The following PIP5K1B variants were observed in gnomAD, a reference collection of about 807,000 sequenced individuals.
PIP5K1B encodes phosphatidylinositol 4-phosphate 5-kinase type-1 beta.
A neutral mutation model predicts 67.0 loss-of-function variants in PIP5K1B; 42 were observed. The observed-to-expected ratio is 0.63, with a 90% CI of 0.49 to 0.81. The LOEUF (loss-of-function observed/expected upper bound fraction) is 0.81, where lower values mean the gene tolerates loss of function less well. PIP5K1B is among the 30% of genes least tolerant of loss of function. PIP5K1B has a pLI of 0.00. For synonymous variants in PIP5K1B, 214 were observed against 231.4 expected, an observed-to-expected ratio of 0.92 and a Z score of 0.68; for missense variants, 459 against 646.3, an observed-to-expected ratio of 0.71 and a Z score of 3.14.
At position 68,991,266 on chromosome 9, in the gene PIP5K1B, T is replaced by C. The variant is rs765608635; in HGVS notation, c.1620+9T>C. ...TGCTTGACGTCTATTTAGTAAGTAATTTTTTAGTTTCCTCTCCTCCACTTC... is the reference window on the plus strand; with the variant it reads ...TGCTTGACGTCTATTTAGTAAGTAACTTTTTAGTTTCCTCTCCTCCACTTC... On this transcript the variant is annotated intron_variant, in intron 15 of 15. Coordinates refer to ENST00000265382, the MANE Select transcript of PIP5K1B (RefSeq NM_003558.4). 4.1e-6 allele frequency: 6 copies of C among 1,462,560 alleles called. No individual in the cohort carries two copies. In the South Asian group the frequency reaches 6.8e-5, roughly 17 times the overall value. The allele number at this position is 1,462,560 out of a possible 1,614,324, so 90.6% of individuals were successfully genotyped here.
chr9:68,901,201 A>C (rs1433779423), intron 8 of PIP5K1B, among the ~76,000 whole-genome samples: 1 of 152,214 alleles, frequency 6.6e-6, no homozygotes, highest in Non-Finnish European at 1.5e-5. Context: ...GACTTCAATC[A>C]AAACATGAAA....
intron 2 of PIP5K1B, chr9:68,780,081 C>CGTATCATTAAAAAACCT: frequency 1.4e-6 from 2 of 1,421,990 alleles, no homozygotes. Context: ...TCGGTGGCGG[C>CGTATCATTAAAAAACCT]GGCAGCGGCG....
intron 14 of PIP5K1B, among the ~76,000 whole-genome samples, chr9:68,987,555 C>G (rs925413060): frequency 6.6e-6 from 1 of 152,132 alleles, no homozygotes; most frequent in African/African-American, 2.4e-5. Flanking sequence ...GAGCGAGACT[C>G]CATCTCAAAA....
intron 4 of PIP5K1B, among the ~76,000 whole-genome samples, chr9:68,844,364 C>A (rs1456798021): frequency 1.3e-5 from 2 of 152,148 alleles, no homozygotes; most frequent in South Asian, 2.1e-4. Flanking sequence ...AAGGGGGAAC[C>A]AAGGGGGAAG....
chr9:68,802,709 T>C (rs890888358), intron 2 of PIP5K1B, among the ~76,000 whole-genome samples: 1 of 152,094 alleles, frequency 6.6e-6, no homozygotes, highest in South Asian at 2.1e-4. Flanking sequence ...GTGCCAGGCA[T>C]TGAAGTGTGT....
In PIP5K1B at chr9:68,920,256, G is replaced by A. The variant is rs1217120577; in HGVS notation, c.1116+527G>A. 2.6e-5 allele frequency among the ~76,000 whole-genome samples: 4 copies of A among 151,280 alleles called. No homozygotes were observed. The East Asian group carries it at 7.8e-4, about 30-fold the overall frequency. On this transcript the variant is annotated intron_variant, in intron 11 of 15. Coordinates refer to ENST00000265382, the MANE Select transcript of PIP5K1B (RefSeq NM_003558.4). ...ACATGGGACAAAAAAATGCATTTCA[G>A]TGTTCAACACAATGCCTAACAAATA...
intron 5 of PIP5K1B, among the ~76,000 whole-genome samples, chr9:68,868,000 T>C (rs1353321224): frequency 1.3e-5 from 2 of 152,230 alleles, no homozygotes; most frequent in East Asian, 3.8e-4. Context: ...TTTTTAAATA[T>C]CAAGTACATA....
At chr9:68,848,377 C>G (rs1219478892) in intron 4 of PIP5K1B, among the ~76,000 whole-genome samples, 1 of 152,164 alleles carries the variant, frequency 6.6e-6, no homozygotes, top group Non-Finnish European at 1.5e-5. Context: ...CATAGGTAGG[C>G]AGGCACAATT....
intron 1 of PIP5K1B, among the ~76,000 whole-genome samples, chr9:68,725,193 G>C (rs1828093061): frequency 6.6e-6 from 1 of 152,164 alleles, no homozygotes; most frequent in African/African-American, 2.4e-5. Context: ...GTTTTAAAAT[G>C]GCATTTTGCA....
At chr9:68,945,789 G>A (rs1301302610) in intron 14 of PIP5K1B, among the ~76,000 whole-genome samples, 1 of 152,198 alleles carries the variant, frequency 6.6e-6, no homozygotes, top group African/African-American at 2.4e-5. Context: ...TCCAGCTACA[G>A]CACTGATATA....
chr9:68,815,905 A>G (rs10115536), intron 2 of PIP5K1B, among the ~76,000 whole-genome samples: 119,597 of 151,930 alleles, frequency 0.79, 47,148 homozygotes, highest in Admixed American at 0.85. Context: ...GAAAATATCC[A>G]GGAGTGAATT....
intron 2 of PIP5K1B, among the ~76,000 whole-genome samples, chr9:68,753,280 T>C (rs1387809172): frequency 6.6e-6 from 1 of 151,790 alleles, no homozygotes; most frequent in Non-Finnish European, 1.5e-5. Flanking sequence ...CATTTTGATA[T>C]CTAGTTGTGC....
intron 15 of PIP5K1B, among the ~76,000 whole-genome samples, chr9:68,998,845 C>G (rs186148598): frequency 6.6e-6 from 1 of 152,270 alleles, no homozygotes; most frequent in East Asian, 1.9e-4. Context: ...TAAAGCCCCC[C>G]AAGTGTGATG....
chr9:68,776,588 C>T (rs759671395), intron 2 of PIP5K1B, among the ~76,000 whole-genome samples: 60 of 152,152 alleles, frequency 3.9e-4, no homozygotes, highest in Admixed American at 6.5e-4. Context: ...GGATTACAGG[C>T]GTGAGCCACC....
At chr9:68,902,992 C>T (rs1825438674) in intron 8 of PIP5K1B, among the ~76,000 whole-genome samples, 1 of 152,158 alleles carries the variant, frequency 6.6e-6, no homozygotes, top group African/African-American at 2.4e-5. Context: ...TGACAAGATT[C>T]CTAAGAAAAG....
chr9:68,914,503 C>T (rs568785965), intron 8 of PIP5K1B, among the ~76,000 whole-genome samples: 3 of 152,186 alleles, frequency 2.0e-5, no homozygotes, highest in East Asian at 1.9e-4. Flanking sequence ...ATCACGAGGT[C>T]GGGAGATTGA....
chr9:68,827,406 T>C (rs1025759770), intron 4 of PIP5K1B, among the ~76,000 whole-genome samples: 4 of 152,248 alleles, frequency 2.6e-5, no homozygotes, highest in African/African-American at 9.6e-5. Context: ...GCATTTGAAA[T>C]GTGGCCAGTG....
chr9:68,728,229 A>G (rs970354931), intron 1 of PIP5K1B, among the ~76,000 whole-genome samples: 2 of 152,202 alleles, frequency 1.3e-5, no homozygotes, highest in East Asian at 3.9e-4. Context: ...CATTTATTTC[A>G]CACAGTTCTG....
In PIP5K1B at chr9:68,838,637, T is replaced by A. The variant is rs79115342; in HGVS notation, c.69+15954T>A. Among the ~76,000 whole-genome samples, 14 of 152,300 alleles carry A rather than the reference T, an allele frequency of 9.2e-5. No homozygotes were observed. The East Asian group carries it at 2.7e-3, about 29-fold the overall frequency. ...GGAGGGGAGCAAGGGTTGAAAAAAC[T>A]ATTGAATACTGTACTCAGTAATGGG... On this transcript the variant is annotated intron_variant, in intron 4 of 15. Coordinates refer to ENST00000265382, the MANE Select transcript of PIP5K1B (RefSeq NM_003558.4).
Sources: gnomAD v4.1 joint callset for allele counts (sites outside exome capture counted in the v4.1 genomes callset) on GRCh38, gnomAD v4.1.1 for gene constraint, MANE v1.5 for transcripts, NCBI Gene and HGNC (gene_info 2026-07-23, HGNC 2026-07-21) for gene names.